FARSB: variants seen among roughly 807,000 people sequenced by gnomAD.
FARSB encodes phenylalanyl-tRNA synthetase subunit beta, also known as phenylalanine--tRNA ligase beta subunit.
In FARSB, 40 loss-of-function variants were observed where a neutral mutation model predicts 69.6. That is an observed-to-expected ratio of 0.57 (90% CI 0.45 to 0.75). FARSB has a LOEUF of 0.75. Ranked by LOEUF, FARSB falls within the 30% of genes least tolerant of loss-of-function variation. The pLI is 0.00. For missense variants in FARSB, 632 were observed against 722.9 expected (o/e 0.87, Z 1.44); for synonymous variants, 235 against 247.2 (o/e 0.95, Z 0.46).
intron 16 of FARSB, among the ~76,000 whole-genome samples, chr2:222,582,894 C>T (rs1050635705): frequency 1.3e-5 from 2 of 151,120 alleles, no homozygotes; most frequent in Non-Finnish European, 2.9e-5. Flanking sequence ...CACTGCACTC[C>T]AGCCTGGCAG....
chr2:222,654,481 A>T (rs1469184244), intron 1 of FARSB, among the ~76,000 whole-genome samples: 1 of 152,188 alleles, frequency 6.6e-6, no homozygotes, highest in Non-Finnish European at 1.5e-5. Flanking sequence ...AAAATCCAAG[A>T]CGCTTCTGGT....
At chr2:222,636,008 A>G (rs1223318395) in intron 5 of FARSB, among the ~76,000 whole-genome samples, 1 of 151,206 alleles carries the variant, frequency 6.6e-6, no homozygotes, top group Non-Finnish European at 1.5e-5. Context: ...TGAGCCAGGA[A>G]GGTCAAGGCT....
chr2:222,577,125 T>C (rs926309202), intron 16 of FARSB, among the ~76,000 whole-genome samples: 3 of 152,170 alleles, frequency 2.0e-5, no homozygotes, highest in African/African-American at 7.2e-5. Context: ...AAAAAAATCA[T>C]TATTGAGATA....
rs558864193 is a variant in FARSB, at chr2:222,570,219, A to G, written c.*1652T>C. ...CAACTCTTGCACATTTTTAAAAAACAGTTGTTTTATTTTTACTATTAAGTT... is the reference window on the plus strand; with the variant it reads ...CAACTCTTGCACATTTTTAAAAAACGGTTGTTTTATTTTTACTATTAAGTT... On this transcript the variant is annotated 3_prime_UTR_variant, in exon 17 of 17. Coordinates refer to ENST00000281828, the MANE Select transcript of FARSB (RefSeq NM_005687.5). 5.3e-5 allele frequency among the ~76,000 whole-genome samples: 8 copies of G among 152,318 alleles called. No individual in the cohort carries two copies. Among genetic ancestry groups the G allele is most frequent in the African/African-American group, 1.9e-4 (8 of 41,576 alleles).
chr2:222,642,444 G>T (rs1052257722), intron 3 of FARSB, among the ~76,000 whole-genome samples: 2 of 152,156 alleles, frequency 1.3e-5, no homozygotes, highest in African/African-American at 4.8e-5. Context: ...CAGTTAGGAG[G>T]CTTCACTCCT....
intron 16 of FARSB, among the ~76,000 whole-genome samples, chr2:222,582,768 AC>A (rs1449398383): frequency 6.6e-6 from 1 of 151,998 alleles, no homozygotes; most frequent in East Asian, 1.9e-4. Context: ...TACTAAAAAT[AC>A]AAAAAATTAG....
chr2:222,612,856 C>T (rs1053254369), intron 15 of FARSB, among the ~76,000 whole-genome samples: 2 of 152,176 alleles, frequency 1.3e-5, no homozygotes, highest in African/African-American at 4.8e-5. Context: ...TAAATAACCA[C>T]CAACCACCAC....
At chr2:222,649,075 A>C (rs1691953320) in intron 1 of FARSB, among the ~76,000 whole-genome samples, 4 of 151,962 alleles carry the variant, frequency 2.6e-5, no homozygotes, top group Admixed American at 2.6e-4. Context: ...AAAAATACAA[A>C]ATTAGCCAGG....
intron 16 of FARSB, among the ~76,000 whole-genome samples, chr2:222,579,795 G>A (rs1328979090): frequency 6.6e-6 from 1 of 152,196 alleles, no homozygotes; most frequent in Non-Finnish European, 1.5e-5. Flanking sequence ...CTCATCCAAC[G>A]TTGCTTTTCT....
intron 2 of FARSB, among the ~76,000 whole-genome samples, chr2:222,646,504 T>C (rs1443812875): frequency 1.3e-5 from 2 of 152,236 alleles, no homozygotes; most frequent in Non-Finnish European, 2.9e-5. Flanking sequence ...GGTAACCATA[T>C]TCTTTTAATT....
chr2:222,643,934 C>G (rs1453084989), intron 2 of FARSB, among the ~76,000 whole-genome samples: 8 of 152,190 alleles, frequency 5.3e-5, no homozygotes, highest in Non-Finnish European at 1.2e-4. Context: ...CAGCAGGGAA[C>G]TGTAAATATA....
At chr2:222,636,682 A>C (rs957188947) in intron 5 of FARSB, among the ~76,000 whole-genome samples, 3 of 152,250 alleles carry the variant, frequency 2.0e-5, no homozygotes, top group African/African-American at 4.8e-5. Flanking sequence ...GTCTTGCTAT[A>C]ATAGAGCAGC....
At chr2:222,638,373 A>C (rs937045613) in intron 5 of FARSB, among the ~76,000 whole-genome samples, 5 of 152,252 alleles carry the variant, frequency 3.3e-5, no homozygotes, top group Non-Finnish European at 7.3e-5. Flanking sequence ...TTTAGATTAA[A>C]ATAACTTCTT....
intron 16 of FARSB, among the ~76,000 whole-genome samples, chr2:222,592,135 G>A (rs1208631927): frequency 6.6e-6 from 1 of 152,174 alleles, no homozygotes; most frequent in African/African-American, 2.4e-5. Flanking sequence ...AATGGCAATG[G>A]TTTAAACAAG....
At chr2:222,628,918 TAAG>T (rs1464230658) in intron 9 of FARSB, 30 bp from the exon 10 acceptor site, 1 of 1,570,492 alleles carries the variant, frequency 6.4e-7, no homozygotes, top group Non-Finnish European at 8.7e-7. Context: ...ATAAAATACT[TAAG>T]AAAAAAATGT....
chr2:222,648,758 A>G lies in FARSB; in HGVS notation c.96T>C (p.Gly32=), dbSNP rs1291605481. 2 of 1,603,104 alleles carry G rather than the reference A, an allele frequency of 1.2e-6. No homozygotes were observed. The highest frequency in any genetic ancestry group is 1.7e-5 in the Admixed American group (1 of 60,018). The change falls in exon 2 of 17, where the codon GGT becomes GGC. Residue 32 remains glycine, a synonymous_variant. Transcript: ENST00000281828. ...EEFDELCFEF[G]LELDEITSEK... ...TACATACAATTTCATCAAGCTCCAG[A>G]CCAAATTCAAAACATAGTTCATCAA...
chr2:222,602,862 C>A (rs1836938), intron 15 of FARSB, among the ~76,000 whole-genome samples: 5,875 of 151,986 alleles, frequency 0.039, 176 homozygotes, highest in African/African-American at 0.08. Flanking sequence ...TGTGTTTATT[C>A]CTAAGTATGT....
rs183404904 is a variant in FARSB, at chr2:222,568,092, G to C, written c.*3779C>G. The C allele has an allele frequency of 1.8e-3, 272 of 151,962 alleles. No homozygotes were observed. The highest frequency in any genetic ancestry group is 3.4e-3 in the Non-Finnish European group (232 of 68,024). 9.4% of individuals were successfully genotyped at this position (151,962 alleles called of 1,614,324 possible). ...GCATGACCCCCAAAAATGTGAGCAG[G>C]TGTGTGTGGCTGACTGTACAAATCA... On this transcript the variant is annotated 3_prime_UTR_variant, in exon 17 of 17. Transcript: ENST00000281828. This position sits in a 1 kb window ranked among gnomAD's most constrained non-coding sequence, Gnocchi z 4.3.
intron 2 of FARSB, among the ~76,000 whole-genome samples, chr2:222,645,641 G>A (rs1691833519): frequency 1.3e-5 from 2 of 149,520 alleles, no homozygotes; most frequent in Non-Finnish European, 3.0e-5. Flanking sequence ...GAAAAAAATT[G>A]GGCTTTTATT....
Sources: gnomAD v4.1 joint callset for allele counts (sites outside exome capture counted in the v4.1 genomes callset) on GRCh38, gnomAD v4.1.1 for gene constraint, Gnocchi (gnomAD v3.1) non-coding constraint, MANE v1.5 for transcripts, NCBI Gene and HGNC (gene_info 2026-07-23, HGNC 2026-07-21) for gene names.